LEO1: variants seen among roughly 807,000 people sequenced by gnomAD.
The protein encoded by LEO1 is RNA polymerase-associated protein LEO1.
Under a neutral mutation model 80.4 loss-of-function variants are expected in LEO1, and 34 were observed. That is an observed-to-expected ratio of 0.42 (90% CI 0.32 to 0.56). LEO1 has a LOEUF of 0.56. Ranked by LOEUF, LEO1 falls within the 20% of genes least tolerant of loss-of-function variation. The probability of loss-of-function intolerance (pLI) is 0.10; values close to 1 mark genes in which losing one functional copy is unlikely to be tolerated. For missense variants in LEO1, 631 were observed against 814.2 expected (o/e 0.77, Z 2.74); for synonymous variants, 262 against 274.9 (o/e 0.95, Z 0.46).
At chr15:51,971,598 T>C (rs2057123683) in intron 1 of LEO1, 90 bp downstream of exon 1, 1 of 1,363,940 alleles carries the variant, frequency 7.3e-7, no homozygotes, top group Admixed American at 1.7e-5. Context: ...ACGCCACCTC[T>C]TGCCCGCGGC....
At chr15:51,950,368 TC>T (rs11366031) in intron 9 of LEO1, among the ~76,000 whole-genome samples, 2,157 of 152,278 alleles carry the variant, frequency 0.014, 83 homozygotes, top group Admixed American at 0.071. Flanking sequence ...CAGTGGCTGT[TC>T]CTGTTCATCC....
chr15:51,966,485 G>A lies in LEO1; in HGVS notation c.78C>T (p.Asp26=). Residue 26 remains aspartate, a synonymous_variant, in exon 2 of 12, where the codon GAC becomes GAT. Coordinates refer to ENST00000299601, the MANE Select transcript of LEO1 (RefSeq NM_138792.4). ...AERKDSDSGS[D]SDSDQENAAS... ...CAGCATTCTCTTGATCAGAATCTGA[G>A]TCAGATCCAGAATCAGAATCTATGG... is the stretch of plus-strand genomic sequence containing the variant. The A allele has an allele frequency of 1.3e-6, 2 of 1,598,036 alleles. No homozygotes were observed. The highest frequency in any genetic ancestry group is 1.7e-6 in the Non-Finnish European group (2 of 1,167,388).
chr15:51,942,788 G>A (rs2056864625), intron 11 of LEO1, among the ~76,000 whole-genome samples: 1 of 151,968 alleles, frequency 6.6e-6, no homozygotes, highest in Non-Finnish European at 1.5e-5. Flanking sequence ...TGGGCGTGGT[G>A]GCAGGTGCCT....
chr15:51,954,624 A>T, intron 6 of LEO1, 49 bp from the exon 7 acceptor site: 1 of 1,244,752 alleles, frequency 8.0e-7, no homozygotes, highest in Non-Finnish European at 1.2e-6. Context: ...AAATGACTCT[A>T]TGCATCTTGT....
rs980739599 is a variant in LEO1, at chr15:51,970,791, G to T, written c.58+897C>A. On this transcript the variant is annotated intron_variant, in intron 1 of 11. Transcript: ENST00000299601. ...ACTCACTTTACTTGGAGCCTAGAGG[G>T]TTGCAAGAATTCTGAACTTGGTCTT... 2.1e-4 allele frequency among the ~76,000 whole-genome samples: 32 copies of T among 152,122 alleles called. 1 individual carries two copies. The highest frequency in any genetic ancestry group is 7.2e-4 in the African/African-American group (30 of 41,424).
At chr15:51,970,394 G>A (rs973315337) in intron 1 of LEO1, among the ~76,000 whole-genome samples, 1 of 152,090 alleles carries the variant, frequency 6.6e-6, no homozygotes, top group Non-Finnish European at 1.5e-5. Flanking sequence ...CCTGAGCTCA[G>A]GCAAATCCGC....
chr15:51,962,067 G>T (rs2057035234), intron 3 of LEO1, among the ~76,000 whole-genome samples: 1 of 151,922 alleles, frequency 6.6e-6, no homozygotes, highest in Non-Finnish European at 1.5e-5. Flanking sequence ...GGAGGCTGAG[G>T]GAGGAGAATT....
At chr15:51,958,390 G>A (rs2554335) in intron 6 of LEO1, among the ~76,000 whole-genome samples, 1,699 of 152,198 alleles carry the variant, frequency 0.011, 24 homozygotes, top group African/African-American at 0.039. Flanking sequence ...AGGAAATTGA[G>A]GCTGCCAAGA....
chr15:51,971,697 C>G lies in LEO1; in HGVS notation c.49G>C (p.Glu17Gln). The change falls in exon 1 of 12, where the codon GAG becomes CAG. Residue 17 changes from glutamate (E) to glutamine (Q), a missense_variant. By Grantham distance (29) the Glu-to-Gln change is conservative (BLOSUM62 2). Around this residue, in one of 4 missense-constraint regions of LEO1, gnomAD observed 394 missense variants for 395.6 expected, o/e 1.00. Coordinates refer to ENST00000299601, the MANE Select transcript of LEO1 (RefSeq NM_138792.4). ...AGACCAGCGAACCCACCTTTACGCT[C>G]AGCTTCGCTGTCGGCGTCGCTCCCG... ...LFGSDADSEAERKDSDSGSDS... is the reference protein window; with the variant it reads ...LFGSDADSEAQRKDSDSGSDS... The G allele has an allele frequency of 6.2e-7, 1 of 1,614,200 alleles. No homozygotes were observed. Among genetic ancestry groups the G allele is most frequent in the Non-Finnish European group, 8.5e-7 (1 of 1,180,036 alleles).
Position 51,958,742 on chromosome 15 carries a change from C to T in LEO1, c.1245G>A (p.Lys415=). 6.4e-7 allele frequency: 1 copy of T among 1,564,070 alleles called. No individual in the cohort carries two copies. Among genetic ancestry groups the T allele is most frequent in the Non-Finnish European group, 8.7e-7 (1 of 1,144,468 alleles). ...AAAAGGAAAAAGCATGAAATGGTACCTTTAATTTTAACCTGGTTCTACCTT... is the reference window on the plus strand; with the variant it reads ...AAAAGGAAAAAGCATGAAATGGTACTTTTAATTTTAACCTGGTTCTACCTT... ...DEEGRTRLKL[K]VENTIRWRIR... Residue 415 remains lysine (K), a splice_region_variant and synonymous_variant, in exon 6 of 12, where the codon AAG becomes AAA. Transcript: ENST00000299601.
intron 11 of LEO1, among the ~76,000 whole-genome samples, chr15:51,939,429 G>A (rs548748041): frequency 2.6e-5 from 4 of 152,066 alleles, no homozygotes; most frequent in Non-Finnish European, 5.9e-5. Flanking sequence ...GACCTGAAAG[G>A]CCATAGAATT....
Position 51,971,762 on chromosome 15 carries a change from T to G in LEO1, c.-17A>C. 1.2e-6 allele frequency: 2 copies of G among 1,614,098 alleles called. No homozygotes were observed. Among genetic ancestry groups the G allele is most frequent in the East Asian group, 2.2e-5 (1 of 44,878 alleles). On this transcript the variant is annotated 5_prime_UTR_variant, in exon 1 of 12. Coordinates refer to ENST00000299601, the MANE Select transcript of LEO1 (RefSeq NM_138792.4). ...ATCCGCCATTATCGCTCACGTCCGC[T>G]GCTGCCTCGGTTAGGGGCAGCTCCC...
At chr15:51,951,500 C>T (rs1261035067) in intron 9 of LEO1, among the ~76,000 whole-genome samples, 1 of 152,250 alleles carries the variant, frequency 6.6e-6, no homozygotes, top group Admixed American at 6.5e-5. Flanking sequence ...TTTTACACTA[C>T]TCTCTAGTAT....
intron 7 of LEO1, 150 bp downstream of exon 7, chr15:51,954,331 G>C: frequency 1.7e-6 from 1 of 605,454 alleles, no homozygotes; most frequent in East Asian, 2.8e-5. Context: ...CCACTGAGCT[G>C]TTATCATGTC....
At chr15:51,940,631 A>G (rs2056842965) in intron 11 of LEO1, among the ~76,000 whole-genome samples, 1 of 151,976 alleles carries the variant, frequency 6.6e-6, no homozygotes, top group African/African-American at 2.4e-5. Flanking sequence ...AAACACAGCA[A>G]AGGGAATGGG....
chr15:51,957,467 A>C (rs2056998496), intron 6 of LEO1, among the ~76,000 whole-genome samples: 1 of 152,178 alleles, frequency 6.6e-6, no homozygotes, highest in African/African-American at 2.4e-5. Context: ...ACAGGAAAAA[A>C]AAATAGTGTA....
chr15:51,953,074 C>G (rs2056961795), intron 8 of LEO1, 55 bp downstream of exon 8: 2 of 1,449,412 alleles, frequency 1.4e-6, no homozygotes, highest in East Asian at 2.3e-5. Context: ...ACAGAAACAT[C>G]TATGTTTCAC....
chr15:51,964,180 T>C (rs1243407599), intron 2 of LEO1, among the ~76,000 whole-genome samples: 1 of 150,542 alleles, frequency 6.6e-6, no homozygotes, highest in Non-Finnish European at 1.5e-5. Context: ...CACTCCAGCC[T>C]GGGAGACAGA....
At chr15:51,958,343 T>C (rs1051694638) in intron 6 of LEO1, among the ~76,000 whole-genome samples, 2 of 151,218 alleles carry the variant, frequency 1.3e-5, no homozygotes, top group South Asian at 4.2e-4. Flanking sequence ...TAGTCCCAGC[T>C]ACTCAGGAGG....
Sources: allele counts gnomAD v4.1 joint callset (sites outside exome capture counted in the v4.1 genomes callset), GRCh38; gene constraint gnomAD v4.1.1; regional missense constraint gnomAD v4.1.1; transcripts MANE v1.5; gene names NCBI Gene and HGNC (gene_info 2026-07-23, HGNC 2026-07-21).